The following ST8SIA4 variants were observed in gnomAD, a reference collection of about 807,000 sequenced individuals.
ST8SIA4 encodes the protein ST8 alpha-N-acetyl-neuraminide alpha-2,8-sialyltransferase 4, also known as CMP-N-acetylneuraminate-poly-alpha-2,8-sialyltransferase.
A neutral mutation model predicts 33.9 loss-of-function variants in ST8SIA4; 15 were observed. The ratio of observed to expected loss-of-function variants is 0.44; its 90% CI spans 0.30 to 0.68. The LOEUF is 0.68. Ranked by LOEUF, ST8SIA4 falls within the 30% of genes least tolerant of loss-of-function variation. ST8SIA4 has a pLI of 0.10. For missense variants in ST8SIA4, 321 were observed against 428.0 expected (o/e 0.75, Z 2.21); for synonymous variants, 171 against 151.2 (o/e 1.13, Z -0.96).
At chr5:100,872,391 A>G (rs1752215110) in intron 3 of ST8SIA4, among the ~76,000 whole-genome samples, 1 of 152,102 alleles carries the variant, frequency 6.6e-6, no homozygotes. Context: ...ATACATTGTA[A>G]CTTTCTATAG....
chr5:100,885,282 C>T (rs1752511295), intron 3 of ST8SIA4: 2 of 824,524 alleles, frequency 2.4e-6, no homozygotes, highest in Non-Finnish European at 1.5e-6. Flanking sequence ...ATCTCTGACC[C>T]TTCACCCAAG....
At chr5:100,850,437 A>G (rs1751667297) in intron 4 of ST8SIA4, among the ~76,000 whole-genome samples, 1 of 151,926 alleles carries the variant, frequency 6.6e-6, no homozygotes, top group Admixed American at 6.6e-5. Context: ...AGAATTTAAA[A>G]AAGTAAAAAT....
At chr5:100,827,128 T>C (rs903387868) in intron 4 of ST8SIA4, among the ~76,000 whole-genome samples, 2 of 152,156 alleles carry the variant, frequency 1.3e-5, no homozygotes, top group Non-Finnish European at 2.9e-5. Context: ...CTGACACTAA[T>C]GGTACAAGTC....
chr5:100,887,974 G>C (rs1176834916), intron 2 of ST8SIA4, among the ~76,000 whole-genome samples: 1 of 151,880 alleles, frequency 6.6e-6, no homozygotes, highest in Non-Finnish European at 1.5e-5. Flanking sequence ...CTATAAATTG[G>C]AGCCATCCAG....
chr5:100,829,419 G>C (rs1441170602), intron 4 of ST8SIA4, among the ~76,000 whole-genome samples: 1 of 151,998 alleles, frequency 6.6e-6, no homozygotes, highest in Non-Finnish European at 1.5e-5. Flanking sequence ...TAAATGCTTT[G>C]ATAAATCTTT....
At chr5:100,852,114 CTTTTTTTTTTT>C (rs773074391) in intron 4 of ST8SIA4, among the ~76,000 whole-genome samples, 27 of 83,482 alleles carry the variant, frequency 3.2e-4, no homozygotes, top group African/African-American at 1.2e-3. Context: ...CTCCACTCTT[CTTTTTTTTTTT>C]TTTTTTTTTT....
At chr5:100,873,430 G>A (rs1037668236) in intron 3 of ST8SIA4, among the ~76,000 whole-genome samples, 1 of 152,050 alleles carries the variant, frequency 6.6e-6, no homozygotes, top group Non-Finnish European at 1.5e-5. Flanking sequence ...ATGTTATGTA[G>A]CTCTTAGTTG....
In ST8SIA4 at chr5:100,870,939, T is replaced by C. The variant is rs901921712; in HGVS notation, c.504-14543A>G. ...AAGCAAAATTACTGGAGAAAATGTG[T>C]GTAGCAAATATTAGATAAGCAATGT... is the stretch of plus-strand genomic sequence containing the variant. On this transcript the variant is annotated intron_variant, in intron 3 of 4. Coordinates refer to ENST00000231461, the MANE Select transcript of ST8SIA4 (RefSeq NM_005668.6). Among the ~76,000 whole-genome samples the C allele has an allele frequency of 3.3e-5, 5 of 152,114 alleles. 1 individual carries two copies. The highest frequency in any genetic ancestry group is 3.3e-4 in the Admixed American group (5 of 15,260).
chr5:100,856,058 T>C (rs1179754225), intron 4 of ST8SIA4, 45 bp downstream of exon 4: 31 of 1,560,252 alleles, frequency 2.0e-5, no homozygotes, highest in African/African-American at 4.1e-5. Context: ...TAGTTATATG[T>C]GTTCCACTGT....
intron 4 of ST8SIA4, among the ~76,000 whole-genome samples, chr5:100,824,793 G>C (rs1409713381): frequency 6.6e-6 from 1 of 151,860 alleles, no homozygotes; most frequent in African/African-American, 2.4e-5. Flanking sequence ...AGGCACAGTG[G>C]CTCATGCCTG....
chr5:100,885,213 CT>C (rs1561405704), intron 3 of ST8SIA4: 1 of 300,942 alleles, frequency 3.3e-6, no homozygotes, highest in Non-Finnish European at 4.9e-6. Flanking sequence ...CAAGGTTTCT[CT>C]TATAGTCTAA....
rs3995455 is a variant in ST8SIA4 at position 100,823,132 on chromosome 5, TAAAC to T, written c.798-11007_798-11004del. Among the ~76,000 whole-genome samples the T allele has an allele frequency of 5.6e-3, 782 of 139,772 alleles. 5 individuals are homozygous for T. Among genetic ancestry groups the T allele is most frequent in the African/African-American group, 0.015 (568 of 37,626 alleles). 91.7% of individuals were successfully genotyped at this position (139,772 alleles called of 152,430 possible). Reference sequence around the variant, plus strand: ...GGAGACAGAGTGAGACTCCGTCTCATAAACAAACAAACAAACAAACAAACAAACA... The same window carrying T: ...GGAGACAGAGTGAGACTCCGTCTCATAAACAAACAAACAAACAAACAAACA... On this transcript the variant is annotated intron_variant, in intron 4 of 4. Transcript: ENST00000231461.
In ST8SIA4 at chr5:100,886,531, A is replaced by G; in HGVS notation, c.315T>C (p.Gly105=). The G allele has an allele frequency of 6.2e-7, 1 of 1,613,898 alleles. No homozygotes were observed. The highest frequency in any genetic ancestry group is 8.5e-7 in the Non-Finnish European group (1 of 1,179,784). Reference sequence around the variant, plus strand: ...TGTCAAGCACATAGTGTATGACATCACCAGGCTTAAAACTGCTCTTGACCA... The same window carrying G: ...TGTCAAGCACATAGTGTATGACATCGCCAGGCTTAAAACTGCTCTTGACCA... ...VSVVKSSFKP[G]DVIHYVLDRR... is the part of the protein sequence containing the mutation. The change falls in exon 3 of 5, where the codon GGT becomes GGC. Residue 105 remains glycine (G), a synonymous_variant. Transcript: ENST00000231461.
intron 4 of ST8SIA4, among the ~76,000 whole-genome samples, chr5:100,852,114 C>CTTT (rs773074391): frequency 0.015 from 1,279 of 83,416 alleles, 17 homozygotes; most frequent in African/African-American, 0.028. Context: ...CTCCACTCTT[C>CTTT]TTTTTTTTTT....
chr5:100,831,022 A>G (rs537405977), intron 4 of ST8SIA4, among the ~76,000 whole-genome samples: 2 of 152,362 alleles, frequency 1.3e-5, no homozygotes, highest in Admixed American at 1.3e-4. Flanking sequence ...TTACACATAC[A>G]TATAGGACTT....
chr5:100,885,500 CTG>C (rs1752517049), intron 3 of ST8SIA4: 5 of 931,588 alleles, frequency 5.4e-6, no homozygotes, highest in Non-Finnish European at 6.4e-6. Flanking sequence ...CTTCAAGAGA[CTG>C]TGTTTTTCAA....
intron 3 of ST8SIA4, among the ~76,000 whole-genome samples, chr5:100,877,692 T>C (rs17160818): frequency 0.036 from 5,419 of 152,302 alleles, 137 homozygotes; most frequent in African/African-American, 0.069. Flanking sequence ...GAAAACGTAG[T>C]ACCAGAAGAA....
At chr5:100,881,636 G>A (rs1007574081) in intron 3 of ST8SIA4, among the ~76,000 whole-genome samples, 3 of 152,072 alleles carry the variant, frequency 2.0e-5, no homozygotes, top group African/African-American at 7.2e-5. Flanking sequence ...GACTCAATGA[G>A]GTTCTCACTT....
chr5:100,894,027 C>T (rs898640812), intron 2 of ST8SIA4, among the ~76,000 whole-genome samples: 12 of 152,090 alleles, frequency 7.9e-5, no homozygotes, highest in African/African-American at 2.9e-4. Flanking sequence ...CATCTTGTGA[C>T]TTTTTCCTCA....
Sources: gnomAD v4.1 joint callset for allele counts (sites outside exome capture counted in the v4.1 genomes callset) on GRCh38, gnomAD v4.1.1 for gene constraint, MANE v1.5 for transcripts, NCBI Gene and HGNC (gene_info 2026-07-23, HGNC 2026-07-21) for gene names.